Variants in GRK7 observed in about 807,000 individuals in gnomAD.
GRK7 encodes the protein G protein-coupled receptor kinase 7, also known as rhodopsin kinase GRK7.
A neutral mutation model predicts 34.1 loss-of-function variants in GRK7; 24 were observed. The ratio of observed to expected loss-of-function variants is 0.70; its 90% CI spans 0.51 to 0.99. The LOEUF is 0.99. Ranked by LOEUF, GRK7 falls within the 50% of genes least tolerant of loss-of-function variation. The pLI is 0.00. For missense variants in GRK7, 644 were observed against 707.3 expected (o/e 0.91, Z 1.02); for synonymous variants, 256 against 279.4 (o/e 0.92, Z 0.84).
chr3:141,813,284 C>T (rs1711115228), intron 5 of GRK7, among the ~76,000 whole-genome samples: 1 of 152,144 alleles, frequency 6.6e-6, no homozygotes, highest in Non-Finnish European at 1.5e-5. Flanking sequence ...TGCCACCACG[C>T]CTGACTAATT....
At chr3:141,774,142 A>T (rs929924717) in intron 1 of GRK7, among the ~76,000 whole-genome samples, 14 of 152,210 alleles carry the variant, frequency 9.2e-5, no homozygotes, top group Non-Finnish European at 1.9e-4. Flanking sequence ...CAATCACAGA[A>T]AGTGTTCCAG....
At chr3:141,813,766 A>G (rs1477395604) in intron 5 of GRK7, among the ~76,000 whole-genome samples, 1 of 152,232 alleles carries the variant, frequency 6.6e-6, no homozygotes, top group Non-Finnish European at 1.5e-5. Flanking sequence ...ATAAAATTTA[A>G]TTATACATTT....
rs778529458 is a variant in GRK7 at position 141,811,231 on chromosome 3, T to C, written c.1325+3312T>C. Among the ~76,000 whole-genome samples, 127 of 151,796 alleles carry C rather than the reference T, an allele frequency of 8.4e-4. 1 individual carries two copies. The highest frequency in any genetic ancestry group is 1.1e-3 in the Non-Finnish European group (78 of 67,938). On this transcript the variant is annotated intron_variant, in intron 5 of 5. Coordinates refer to ENST00000682958, the MANE Select transcript of GRK7 (RefSeq NM_139209.3). ...TACTCAGGAGGCTGAGGCAGGGGAATAGCTTGAACCTGGGAGGCGGAGGTT... is the reference window on the plus strand; with the variant it reads ...TACTCAGGAGGCTGAGGCAGGGGAACAGCTTGAACCTGGGAGGCGGAGGTT...
At chr3:141,806,389 C>T (rs1711036459) in intron 4 of GRK7, among the ~76,000 whole-genome samples, 1 of 151,960 alleles carries the variant, frequency 6.6e-6, no homozygotes, top group Non-Finnish European at 1.5e-5. Flanking sequence ...ATGGTGAAAC[C>T]CCATCTCCAC....
intron 4 of GRK7, among the ~76,000 whole-genome samples, chr3:141,797,889 G>T (rs1457518220): frequency 3.3e-5 from 5 of 152,178 alleles, no homozygotes; most frequent in Non-Finnish European, 5.9e-5. Context: ...AAGGACCTGC[G>T]CACACTCATA....
intron 4 of GRK7, among the ~76,000 whole-genome samples, chr3:141,800,380 T>TAAA (rs5853047): frequency 2.5e-5 from 2 of 79,544 alleles, no homozygotes; most frequent in Non-Finnish European, 2.4e-5. Flanking sequence ...TTGTCATTTG[T>TAAA]AAAAAAAAAA....
In GRK7 at chr3:141,780,640, G is replaced by C; in HGVS notation, c.879G>C (p.Val293=). 6.2e-7 allele frequency: 1 copy of C among 1,614,234 alleles called. No individual in the cohort carries two copies. ...VGTRGLDMSR[V]IFYSAQIACG... ...CGCGTGGCCTGGACATGAGCCGGGTGATCTTTTACTCGGCCCAGATAGCCT... is the reference window on the plus strand; with the variant it reads ...CGCGTGGCCTGGACATGAGCCGGGTCATCTTTTACTCGGCCCAGATAGCCT... Residue 293 remains valine, a synonymous_variant, in exon 4 of 6, where the codon GTG becomes GTC. Transcript: ENST00000682958.
intron 4 of GRK7, among the ~76,000 whole-genome samples, chr3:141,802,366 TCACA>T (rs113029036): frequency 4.3e-3 from 620 of 145,676 alleles, no homozygotes; most frequent in Non-Finnish European, 6.6e-3. Context: ...TCTTTCTCTG[TCACA>T]CACACACACA....
upstream of GRK7, among the ~76,000 whole-genome samples, chr3:141,762,869 G>A (rs774661500): frequency 3.0e-4 from 46 of 152,292 alleles, no homozygotes; most frequent in Middle Eastern, 3.4e-3. Flanking sequence ...CGCAATATTC[G>A]GGTGGGAGTG....
chr3:141,790,104 T>A (rs958012133), intron 4 of GRK7, among the ~76,000 whole-genome samples: 5 of 151,950 alleles, frequency 3.3e-5, no homozygotes, highest in Non-Finnish European at 7.4e-5. Flanking sequence ...CAGGTTCAAG[T>A]GATTCTCCCG....
chr3:141,786,560 G>A (rs1462625710), intron 4 of GRK7, among the ~76,000 whole-genome samples: 1 of 152,032 alleles, frequency 6.6e-6, no homozygotes, highest in Non-Finnish European at 1.5e-5. Context: ...GGCAGATCAT[G>A]ATGTCAGGAG....
chr3:141,800,272 C>T (rs1710943503), intron 4 of GRK7, among the ~76,000 whole-genome samples: 1 of 151,524 alleles, frequency 6.6e-6, no homozygotes, highest in African/African-American at 2.4e-5. Context: ...GATATCCCAC[C>T]TGATCCCTCT....
intron 4 of GRK7, among the ~76,000 whole-genome samples, chr3:141,804,922 T>G (rs959503348): frequency 6.7e-6 from 1 of 149,220 alleles, no homozygotes; most frequent in Non-Finnish European, 1.5e-5. Context: ...CACACACACA[T>G]GCATACTCAC....
chr3:141,771,721 G>T, intron 1 of GRK7, among the ~76,000 whole-genome samples: 1 of 151,716 alleles, frequency 6.6e-6, no homozygotes, highest in South Asian at 2.1e-4. Context: ...GTGTTGCTTT[G>T]TCACCCAGGC....
At chr3:141,789,884 G>A (rs78169985) in intron 4 of GRK7, among the ~76,000 whole-genome samples, 5 of 152,074 alleles carry the variant, frequency 3.3e-5, no homozygotes, top group Non-Finnish European at 7.4e-5. Flanking sequence ...GGGAAATTGA[G>A]ACCCAAAGTC....
chr3:141,773,694 A>G (rs879390779), intron 1 of GRK7, among the ~76,000 whole-genome samples: 2 of 152,132 alleles, frequency 1.3e-5, no homozygotes, highest in African/African-American at 2.4e-5. Flanking sequence ...GATTACAGGC[A>G]TGAGCCACCG....
intron 4 of GRK7, among the ~76,000 whole-genome samples, chr3:141,805,948 C>T (rs1431822854): frequency 6.6e-6 from 1 of 152,142 alleles, no homozygotes; most frequent in African/African-American, 2.4e-5. Context: ...AGGCACACAC[C>T]ACTGCATCCA....
At chr3:141,772,177 C>A (rs2084619873) in intron 1 of GRK7, among the ~76,000 whole-genome samples, 1 of 152,014 alleles carries the variant, frequency 6.6e-6, no homozygotes, top group African/African-American at 2.4e-5. Flanking sequence ...TCACTGCAAC[C>A]TCCACCTCCC....
chr3:141,750,989 G>C, the GRK7 span, among the ~76,000 whole-genome samples: 1 of 152,112 alleles, frequency 6.6e-6, no homozygotes, highest in South Asian at 2.1e-4. Flanking sequence ...GTGTGTGATG[G>C]CCATGCCTGT....
Sources: gnomAD v4.1 joint callset for allele counts (sites outside exome capture counted in the v4.1 genomes callset) on GRCh38, gnomAD v4.1.1 for gene constraint, MANE v1.5 for transcripts, NCBI Gene and HGNC (gene_info 2026-07-23, HGNC 2026-07-21) for gene names.